PRR16: variants seen among roughly 807,000 people sequenced by gnomAD.
The protein encoded by PRR16 is protein Largen.
In PRR16, 6 loss-of-function variants were observed where a neutral mutation model predicts 18.2. That is an observed-to-expected ratio of 0.33 (90% confidence interval 0.18 to 0.65). The LOEUF (loss-of-function observed/expected upper bound fraction) is 0.65, where lower values mean the gene tolerates loss of function less well. Ranked by LOEUF, PRR16 falls within the 30% of genes least tolerant of loss-of-function variation. The pLI is 0.74. For missense variants in PRR16, 412 were observed against 376.6 expected, an observed-to-expected ratio of 1.09 and a Z score of -0.78; for synonymous variants, 151 against 147.8, an observed-to-expected ratio of 1.02 and a Z score of -0.16.
the PRR16 span, among the ~76,000 whole-genome samples, chr5:120,746,154 T>A: frequency 2.6e-5 from 4 of 152,054 alleles, no homozygotes; most frequent in Non-Finnish European, 5.9e-5. Flanking sequence ...TATATTACAT[T>A]TTTGTTCCTT....
chr5:120,607,594 G>A (rs1754195836), intron 1 of PRR16, among the ~76,000 whole-genome samples: 1 of 152,032 alleles, frequency 6.6e-6, no homozygotes, highest in African/African-American at 2.4e-5. Flanking sequence ...CATTTCCATG[G>A]TTGATCTTGG....
chr5:120,592,477 G>A (rs550836696), intron 1 of PRR16, among the ~76,000 whole-genome samples: 1 of 152,280 alleles, frequency 6.6e-6, no homozygotes, highest in Admixed American at 6.5e-5. Flanking sequence ...TTCATATGAA[G>A]TGAATTCATG....
At chr5:120,651,993 C>G (rs1755807136) in intron 1 of PRR16, among the ~76,000 whole-genome samples, 1 of 152,068 alleles carries the variant, frequency 6.6e-6, no homozygotes, top group African/African-American at 2.4e-5. Flanking sequence ...TTTGTATCCT[C>G]TTTTATTTCA....
At chr5:120,673,939 G>A (rs911852001) in intron 1 of PRR16, among the ~76,000 whole-genome samples, 10 of 132,930 alleles carry the variant, frequency 7.5e-5, no homozygotes, top group African/African-American at 2.6e-4. Context: ...TGGCGACAGA[G>A]TGAGACCCTT....
chr5:120,547,236 T>A (rs1224389344), intron 1 of PRR16, among the ~76,000 whole-genome samples: 1 of 151,970 alleles, frequency 6.6e-6, no homozygotes, highest in Non-Finnish European at 1.5e-5. Flanking sequence ...GTGAGGCCTA[T>A]CTCCTACCTC....
intron 1 of PRR16, among the ~76,000 whole-genome samples, chr5:120,534,498 A>G (rs1017431914): frequency 2.0e-5 from 3 of 152,132 alleles, no homozygotes; most frequent in Admixed American, 6.5e-5. Flanking sequence ...GAAGTATCCT[A>G]TTGTATCTTT....
chr5:120,494,991 C>A (rs1750195699), intron 1 of PRR16, among the ~76,000 whole-genome samples: 1 of 152,026 alleles, frequency 6.6e-6, no homozygotes, highest in Non-Finnish European at 1.5e-5. Context: ...ATTACTGTAG[C>A]CACGTAAGTC....
At chr5:120,770,926 A>ACTCTCTCTCTCTCTCTCTCTCTCTCTCT in the PRR16 span, among the ~76,000 whole-genome samples, 6 of 131,404 alleles carry the variant, frequency 4.6e-5, no homozygotes, top group African/African-American at 1.5e-4. Context: ...TCATTGGAAC[A>ACTCTCTCTCTCTCTCTCTCTCTCTCTCT]CTCTCTCTCT....
At chr5:120,484,545 A>G (rs1386605759) in intron 1 of PRR16, among the ~76,000 whole-genome samples, 1 of 145,916 alleles carries the variant, frequency 6.9e-6, no homozygotes. Flanking sequence ...TATGTCATAT[A>G]TAATTATATA....
chr5:120,572,044 G>A (rs955389520), intron 1 of PRR16, among the ~76,000 whole-genome samples: 2 of 152,134 alleles, frequency 1.3e-5, no homozygotes, highest in African/African-American at 2.4e-5. Flanking sequence ...ACAAGAACAA[G>A]TATCCCGAAA....
At chr5:120,779,666 C>A in the PRR16 span, among the ~76,000 whole-genome samples, 2 of 151,964 alleles carry the variant, frequency 1.3e-5, no homozygotes, top group Non-Finnish European at 2.9e-5. Context: ...TGTATTACCC[C>A]AAAATAATTA....
chr5:120,783,778 G>C, the PRR16 span, among the ~76,000 whole-genome samples: 1 of 151,932 alleles, frequency 6.6e-6, no homozygotes, highest in Admixed American at 6.6e-5. Flanking sequence ...GTTAACTATA[G>C]TCACTCTACT....
At chr5:120,793,224 T>A in the PRR16 span, among the ~76,000 whole-genome samples, 5 of 152,184 alleles carry the variant, frequency 3.3e-5, no homozygotes, top group Non-Finnish European at 7.3e-5. Flanking sequence ...GGGACCACCA[T>A]TGTATAATAT....
At chr5:120,770,107 T>C in the PRR16 span, among the ~76,000 whole-genome samples, 1 of 151,926 alleles carries the variant, frequency 6.6e-6, no homozygotes, top group Admixed American at 6.6e-5. Context: ...CTAAAATTCA[T>C]GTGAAACCAG....
the PRR16 span, among the ~76,000 whole-genome samples, chr5:120,770,926 A>ACTCTCTCTCTCTCTCT: frequency 6.8e-3 from 894 of 131,208 alleles, 8 homozygotes; most frequent in African/African-American, 0.023. Context: ...TCATTGGAAC[A>ACTCTCTCTCTCTCTCT]CTCTCTCTCT....
intron 1 of PRR16, among the ~76,000 whole-genome samples, chr5:120,674,601 C>T (rs1371846215): frequency 6.6e-6 from 1 of 151,992 alleles, no homozygotes; most frequent in African/African-American, 2.4e-5. Flanking sequence ...ATTGACTTTT[C>T]TTTATTTTTC....
chr5:120,574,342 T>A (rs2112741527), intron 1 of PRR16, among the ~76,000 whole-genome samples: 1 of 152,256 alleles, frequency 6.6e-6, no homozygotes, highest in South Asian at 2.1e-4. Context: ...CAGTGGCTCA[T>A]ACCTGTAACT....
chr5:120,535,790 T>A (rs1027413382), intron 1 of PRR16, among the ~76,000 whole-genome samples: 11 of 149,834 alleles, frequency 7.3e-5, no homozygotes, highest in South Asian at 2.1e-4. Context: ...CAGAGTGAGA[T>A]CCTGTCAAAA....
At chr5:120,494,288 G>T (rs1379340794) in intron 1 of PRR16, among the ~76,000 whole-genome samples, 1 of 151,978 alleles carries the variant, frequency 6.6e-6, no homozygotes, top group African/African-American at 2.4e-5. Context: ...TAATGTTTTA[G>T]CATCTTTTCA....
Sources: allele counts gnomAD v4.1 joint callset (sites outside exome capture counted in the v4.1 genomes callset), GRCh38; gene constraint gnomAD v4.1.1; transcripts MANE v1.5; gene names NCBI Gene and HGNC (gene_info 2026-07-23, HGNC 2026-07-21).